The following RAD51B variants were observed in gnomAD, a reference collection of about 807,000 sequenced individuals.
The protein encoded by RAD51B is DNA repair protein RAD51 homolog 2.
Under a neutral mutation model 42.2 loss-of-function variants are expected in RAD51B, and 38 were observed. The ratio of observed to expected loss-of-function variants is 0.90; its 90% CI spans 0.70 to 1.18. RAD51B has a LOEUF of 1.18. Among genes scored for constraint, RAD51B ranks in the 50% most tolerant of loss-of-function variants. The pLI is 0.00. For synonymous variants in RAD51B, 154 were observed against 145.2 expected, an observed-to-expected ratio of 1.06 and a Z score of -0.43; for missense variants, 373 against 400.7, an observed-to-expected ratio of 0.93 and a Z score of 0.59.
At chr14:68,002,504 G>C (rs1448154535) in intron 7 of RAD51B, among the ~76,000 whole-genome samples, 1 of 152,090 alleles carries the variant, frequency 6.6e-6, no homozygotes, top group Non-Finnish European at 1.5e-5. Context: ...CTTGATGATA[G>C]TTTCTTTTGC....
intron 7 of RAD51B, among the ~76,000 whole-genome samples, chr14:67,986,042 C>A (rs1266464724): frequency 6.6e-6 from 1 of 151,886 alleles, no homozygotes; most frequent in African/African-American, 2.4e-5. Context: ...TAGTTTAATT[C>A]TGTGTGTGTA....
intron 7 of RAD51B, among the ~76,000 whole-genome samples, chr14:68,202,585 T>G (rs796616667): frequency 4.1e-5 from 5 of 121,742 alleles, no homozygotes; most frequent in African/African-American, 1.3e-4. Context: ...TTTTTTTTTT[T>G]TTTTTTTTTT....
At chr14:68,034,094 TG>T (rs113721023) in intron 7 of RAD51B, among the ~76,000 whole-genome samples, 4,517 of 152,160 alleles carry the variant, frequency 0.03, 235 homozygotes, top group African/African-American at 0.1. Context: ...AATGTAGCTT[TG>T]GGGGGGATTT....
At chr14:68,396,534 A>G (rs1028595144) in intron 8 of RAD51B, among the ~76,000 whole-genome samples, 1 of 152,240 alleles carries the variant, frequency 6.6e-6, no homozygotes, top group African/African-American at 2.4e-5. Flanking sequence ...ATGATCATGT[A>G]CTTCTGGCAA....
chr14:68,253,908 G>C (rs2080695946), intron 7 of RAD51B, among the ~76,000 whole-genome samples: 1 of 152,078 alleles, frequency 6.6e-6, no homozygotes, highest in South Asian at 2.1e-4. Context: ...ATCCTGCTCT[G>C]TCTTAACAAT....
intron 7 of RAD51B, among the ~76,000 whole-genome samples, chr14:68,231,093 G>A (rs2080140612): frequency 6.6e-6 from 1 of 152,194 alleles, no homozygotes; most frequent in African/African-American, 2.4e-5. Context: ...TGAGGGATTT[G>A]TAGCAAGAAG....
chr14:68,362,632 G>A (rs1372541548), intron 8 of RAD51B, among the ~76,000 whole-genome samples: 5 of 152,098 alleles, frequency 3.3e-5, no homozygotes, highest in African/African-American at 1.2e-4. Flanking sequence ...GGCGGATCAC[G>A]AGATCAGGAG....
intron 10 of RAD51B, among the ~76,000 whole-genome samples, chr14:68,604,831 G>GGGTGGTCAGCGAGTGAGTC (rs1566952413): frequency 1.7e-5 from 2 of 114,484 alleles, no homozygotes; most frequent in Non-Finnish European, 4.2e-5. Context: ...CTCCCTGAGT[G>GGGTGGTCAGCGAGTGAGTC]AGTGAATGAA....
chr14:68,379,743 A>G (rs1171736863), intron 8 of RAD51B, among the ~76,000 whole-genome samples: 1 of 152,222 alleles, frequency 6.6e-6, no homozygotes, highest in Non-Finnish European at 1.5e-5. Context: ...TGGTTTGGCT[A>G]CTTTCCCTCT....
chr14:68,462,145 T>A (rs547842201), intron 9 of RAD51B, among the ~76,000 whole-genome samples: 2 of 152,326 alleles, frequency 1.3e-5, no homozygotes, highest in Admixed American at 6.5e-5. Flanking sequence ...AGTATTTTAA[T>A]AAGTGCACAT....
chr14:68,259,579 C>G (rs1450262855), intron 7 of RAD51B, among the ~76,000 whole-genome samples: 1 of 151,740 alleles, frequency 6.6e-6, no homozygotes, highest in East Asian at 1.9e-4. Flanking sequence ...TTTTAAGAGA[C>G]TGAAGAAGAA....
At chr14:68,310,597 G>A (rs891932394) in intron 8 of RAD51B, among the ~76,000 whole-genome samples, 8 of 152,150 alleles carry the variant, frequency 5.3e-5, no homozygotes, top group African/African-American at 1.2e-4. Context: ...TGTAATCCCA[G>A]CACTTTGGGA....
intron 10 of RAD51B, among the ~76,000 whole-genome samples, chr14:68,498,693 G>C (rs1040950711): frequency 6.6e-6 from 1 of 152,204 alleles, no homozygotes; most frequent in Non-Finnish European, 1.5e-5. Flanking sequence ...AGAGCCCCAT[G>C]CAATTAGACT....
At chr14:67,869,037 C>T (rs1238970726) in intron 5 of RAD51B, among the ~76,000 whole-genome samples, 1 of 152,246 alleles carries the variant, frequency 6.6e-6, no homozygotes, top group African/African-American at 2.4e-5. Flanking sequence ...GACTTTCCTC[C>T]TCCAAAGGAA....
At chr14:68,658,303 C>T (rs947479207) in intron 11 of RAD51B, among the ~76,000 whole-genome samples, 1 of 152,228 alleles carries the variant, frequency 6.6e-6, no homozygotes, top group African/African-American at 2.4e-5. Context: ...CTGCCCGGAC[C>T]GAGAATCTGG....
intron 10 of RAD51B, among the ~76,000 whole-genome samples, chr14:68,496,671 G>T (rs968881563): frequency 6.6e-6 from 1 of 152,228 alleles, no homozygotes; most frequent in Non-Finnish European, 1.5e-5. Context: ...GCCTTCTGGC[G>T]CATGGCAGGA....
chr14:68,067,100 G>C (rs939460098), intron 7 of RAD51B, among the ~76,000 whole-genome samples: 5 of 152,106 alleles, frequency 3.3e-5, no homozygotes, highest in Admixed American at 2.0e-4. Context: ...GAAAAGTACT[G>C]CTCACTTATG....
intron 10 of RAD51B, among the ~76,000 whole-genome samples, chr14:68,474,733 G>A (rs1183252816): frequency 1.3e-5 from 2 of 152,202 alleles, no homozygotes; most frequent in Non-Finnish European, 1.5e-5. Flanking sequence ...CTTCAGGCCT[G>A]TCCTGAAATT....
chr14:68,214,527 G>T (rs1419507255), intron 7 of RAD51B, among the ~76,000 whole-genome samples: 1 of 152,178 alleles, frequency 6.6e-6, no homozygotes. Context: ...TTTGAAATCA[G>T]TTAAGACACG....
Sources: allele counts gnomAD v4.1 joint callset (sites outside exome capture counted in the v4.1 genomes callset), GRCh38; gene constraint gnomAD v4.1.1; transcripts MANE v1.5; gene names NCBI Gene and HGNC (gene_info 2026-07-23, HGNC 2026-07-21).